Variants in BEST3 observed in about 807,000 individuals in gnomAD.
BEST3 encodes the protein bestrophin 3.
A neutral mutation model predicts 47.1 loss-of-function variants in BEST3; 50 were observed. The ratio of observed to expected loss-of-function variants is 1.06; its 90% CI spans 0.85 to 1.34. The LOEUF is 1.34. Ranked by LOEUF, BEST3 falls within the 40% of genes most tolerant of loss-of-function variation. The pLI is 0.00. For missense variants in BEST3, 765 were observed against 817.0 expected (o/e 0.94, Z 0.78); for synonymous variants, 282 against 298.8 (o/e 0.94, Z 0.58).
intron 7 of BEST3, among the ~76,000 whole-genome samples, chr12:69,674,773 T>C (rs1255219122): frequency 6.6e-6 from 1 of 152,196 alleles, no homozygotes; most frequent in Non-Finnish European, 1.5e-5. Context: ...AACTGAGTGA[T>C]ATACTATTCA....
At chr12:69,657,002 C>G (rs1298072300) in intron 9 of BEST3, among the ~76,000 whole-genome samples, 5 of 152,088 alleles carry the variant, frequency 3.3e-5, no homozygotes, top group Non-Finnish European at 7.4e-5. Flanking sequence ...CGATTGGGCT[C>G]TGCTTGTGAT....
At chr12:69,644,621 G>C (rs565826231) in intron 9 of BEST3, among the ~76,000 whole-genome samples, 1 of 152,148 alleles carries the variant, frequency 6.6e-6, no homozygotes, top group Non-Finnish European at 1.5e-5. Flanking sequence ...TATTAAATTT[G>C]TGAAGGGATT....
intron 7 of BEST3, among the ~76,000 whole-genome samples, chr12:69,673,913 T>A (rs186310808): frequency 5.3e-4 from 80 of 152,344 alleles, no homozygotes; most frequent in African/African-American, 1.7e-3. Context: ...TCACAAATCT[T>A]TTAATATTTG....
intron 9 of BEST3, among the ~76,000 whole-genome samples, chr12:69,647,013 A>G (rs542369344): frequency 6.6e-6 from 1 of 152,300 alleles, no homozygotes; most frequent in African/African-American, 2.4e-5. Context: ...ATTTCTAAGG[A>G]CAGAACCAAG....
downstream of BEST3, among the ~76,000 whole-genome samples, chr12:69,650,867 T>C (rs1169098230): frequency 3.3e-5 from 5 of 151,788 alleles, no homozygotes; most frequent in African/African-American, 1.2e-4. Flanking sequence ...TGGGAGGAGT[T>C]GGGAAGCATA....
intron 9 of BEST3, among the ~76,000 whole-genome samples, chr12:69,658,756 C>G (rs1269598492): frequency 2.0e-5 from 3 of 152,146 alleles, no homozygotes; most frequent in African/African-American, 7.2e-5. Flanking sequence ...ACAAATAAGG[C>G]AGCAGGAAAG....
chr12:69,643,519 A>G (rs146303582), downstream of BEST3: 112 of 434,218 alleles, frequency 2.6e-4, no homozygotes, highest in Non-Finnish European at 4.4e-4. Flanking sequence ...GAAAATTACC[A>G]TTAAAATCTC....
intron 9 of BEST3, among the ~76,000 whole-genome samples, chr12:69,643,961 G>A (rs1159836502): frequency 2.0e-5 from 3 of 152,174 alleles, no homozygotes; most frequent in African/African-American, 7.2e-5. Context: ...TGTGTACAAA[G>A]AAGAAGGAAT....
At chr12:69,644,551 A>G in intron 9 of BEST3, among the ~76,000 whole-genome samples, 1 of 152,316 alleles carries the variant, frequency 6.6e-6, no homozygotes. Context: ...ACTCTATTTT[A>G]ATGGCTAGAG....
intron 3 of BEST3, 71 bp downstream of exon 3, chr12:69,694,299 A>G (rs1886049743): frequency 2.1e-6 from 2 of 943,324 alleles, no homozygotes; most frequent in Non-Finnish European, 3.2e-6. Context: ...AAACACTCCC[A>G]TGCAGAGTCA....
chr12:69,689,208 G>A, intron 4 of BEST3: 1 of 985,494 alleles, frequency 1.0e-6, no homozygotes, highest in Non-Finnish European at 1.2e-6. Flanking sequence ...GAGAGTGGCG[G>A]AGGCATATGC....
chr12:69,654,757 A>G lies in BEST3; in HGVS notation c.*150T>C. The G allele has an allele frequency of 1.5e-6, 2 of 1,377,066 alleles. No individual in the cohort carries two copies. The highest frequency in any genetic ancestry group is 9.4e-7 in the Non-Finnish European group (1 of 1,064,454). The allele number at this position is 1,377,066 out of a possible 1,614,324, so 85.3% of individuals were successfully genotyped here. A position where few individuals can be genotyped will look rare whatever the true frequency, so the allele number is the denominator to read the frequency against. ...TCGCAGCTCTCAAAAAGTCAGGATC[A>G]TAATGCCCTTCAAAGTTCTAAGTAG... On this transcript the variant is annotated 3_prime_UTR_variant, in exon 10 of 10. Transcript: ENST00000330891.
intron 4 of BEST3, among the ~76,000 whole-genome samples, chr12:69,680,591 G>A (rs1315419960): frequency 1.3e-5 from 2 of 152,108 alleles, no homozygotes; most frequent in African/African-American, 4.8e-5. Context: ...ACAGGCGTGA[G>A]CCACCGCCCC....
At chr12:69,670,544 A>G in intron 9 of BEST3, 1 of 702,932 alleles carries the variant, frequency 1.4e-6, no homozygotes. Flanking sequence ...ATTAGGAGAC[A>G]TTCGGCAAAG....
intron 5 of BEST3, among the ~76,000 whole-genome samples, chr12:69,678,241 A>AT (rs11399065): frequency 1.3e-5 from 2 of 151,698 alleles, no homozygotes; most frequent in African/African-American, 4.9e-5. Context: ...TATAAAAAAA[A>AT]TTTTTTTCAG....
chr12:69,678,694 G>A (rs377762752), intron 5 of BEST3, 45 bp downstream of exon 5: 17 of 1,578,428 alleles, frequency 1.1e-5, no homozygotes, highest in African/African-American at 1.4e-5. Context: ...GGTCCTTCTT[G>A]GTCTCTAATT....
Position 69,655,133 on chromosome 12 carries a change from C to A in BEST3, c.1781G>T (p.Gly594Val). 1 of 1,614,150 alleles carries A rather than the reference C, an allele frequency of 6.2e-7. No homozygotes were observed. Among genetic ancestry groups the A allele is most frequent in the Non-Finnish European group, 8.5e-7 (1 of 1,180,028 alleles). ...DTFLKRWSLPGFLGSSHTSLG... is the reference protein window; with the variant it reads ...DTFLKRWSLPVFLGSSHTSLG... ...GGAAGTGTGGCTGGACCCCAGGAAT[C>A]CCGGAAGACTCCACCTTTTTAGAAA... is the stretch of plus-strand genomic sequence containing the variant. The change falls in exon 10 of 10, where the codon GGA (glycine) becomes GTA (valine). Residue 594 changes from glycine (G) to valine (V), a missense_variant. Physicochemically the swap from Gly to Val is moderately radical, Grantham distance 109. Transcript: ENST00000330891.
intron 4 of BEST3, among the ~76,000 whole-genome samples, chr12:69,690,091 T>C (rs1308115094): frequency 6.6e-6 from 1 of 152,242 alleles, no homozygotes; most frequent in Non-Finnish European, 1.5e-5. Flanking sequence ...TCTATAATAA[T>C]TCAGAGGGAC....
chr12:69,687,326 A>G (rs1885673631), intron 4 of BEST3: 1 of 152,278 alleles, frequency 6.6e-6, no homozygotes, highest in South Asian at 2.1e-4. Context: ...ACAGTCAAGA[A>G]TCTTTACATT....
Sources: gnomAD v4.1 joint callset for allele counts (sites outside exome capture counted in the v4.1 genomes callset) on GRCh38, gnomAD v4.1.1 for gene constraint, MANE v1.5 for transcripts, NCBI Gene and HGNC (gene_info 2026-07-23, HGNC 2026-07-21) for gene names.